Variants in GXYLT2 observed in about 807,000 individuals in gnomAD.
GXYLT2 encodes the protein glucoside xylosyltransferase 2.
Under a neutral mutation model 45.8 loss-of-function variants are expected in GXYLT2, and 53 were observed. That is an observed-to-expected ratio of 1.16 (90% confidence interval 0.93 to 1.46). GXYLT2 has a LOEUF of 1.46. GXYLT2 is among the 40% of genes most tolerant of loss of function. The pLI is 0.00. For missense variants in GXYLT2, 551 were observed against 544.4 expected (o/e 1.01, Z -0.12); for synonymous variants, 219 against 214.2 (o/e 1.02, Z -0.19).
intron 3 of GXYLT2, among the ~76,000 whole-genome samples, chr3:72,928,028 C>G (rs1159209394): frequency 6.6e-6 from 1 of 152,216 alleles, no homozygotes; most frequent in African/African-American, 2.4e-5. Context: ...CATCAGGACT[C>G]TGTCTCTCTC....
chr3:72,945,916 A>G (rs1026921102), intron 3 of GXYLT2, among the ~76,000 whole-genome samples: 3 of 152,240 alleles, frequency 2.0e-5, no homozygotes, highest in African/African-American at 2.4e-5. Context: ...CAAAAACAAG[A>G]GTTCACAAAC....
At chr3:72,973,758 T>C (rs747798272) in intron 6 of GXYLT2, among the ~76,000 whole-genome samples, 1 of 152,088 alleles carries the variant, frequency 6.6e-6, no homozygotes, top group Admixed American at 6.6e-5. Flanking sequence ...TCCAAGGTTT[T>C]GACCTATCCT....
At chr3:72,903,384 A>G (rs1374574534) in intron 1 of GXYLT2, among the ~76,000 whole-genome samples, 1 of 152,216 alleles carries the variant, frequency 6.6e-6, no homozygotes, top group Non-Finnish European at 1.5e-5. Context: ...CTTTCTTGAA[A>G]GGATCATAGA....
intron 3 of GXYLT2, chr3:72,929,040 C>CCGT: frequency 6.5e-7 from 1 of 1,549,012 alleles, no homozygotes. Flanking sequence ...TTAGCCGCCG[C>CCGT]CGTGACGACC....
chr3:72,976,082 C>G lies in GXYLT2; in HGVS notation c.*923C>G, dbSNP rs760572439. ...CAGTAGCTGGGATTACAAGTGTGTG[C>G]CACCACACCCGGCTAATTTTTGTAT... On this transcript the variant is annotated 3_prime_UTR_variant, in exon 7 of 7. Coordinates refer to ENST00000389617, the MANE Select transcript of GXYLT2 (RefSeq NM_001080393.2). 6.6e-6 allele frequency: 1 copy of G among 151,842 alleles called. No homozygotes were observed. The highest frequency in any genetic ancestry group is 1.5e-5 in the Non-Finnish European group (1 of 68,000). The allele number at this position is 151,842 out of a possible 1,614,324, so 9.4% of individuals were successfully genotyped here.
At chr3:72,909,172 G>T (rs759750620) in intron 2 of GXYLT2, among the ~76,000 whole-genome samples, 1 of 145,012 alleles carries the variant, frequency 6.9e-6, no homozygotes, top group East Asian at 2.0e-4. Flanking sequence ...GGGTTCAAGC[G>T]ATTCTTCTGC....
chr3:72,948,505 G>A (rs990661516), intron 3 of GXYLT2, among the ~76,000 whole-genome samples: 2 of 152,178 alleles, frequency 1.3e-5, no homozygotes, highest in Non-Finnish European at 2.9e-5. Context: ...CAAGACACTT[G>A]TACAGAACTG....
At chr3:72,902,989 G>C (rs1265764661) in intron 1 of GXYLT2, among the ~76,000 whole-genome samples, 1 of 152,158 alleles carries the variant, frequency 6.6e-6, no homozygotes, top group African/African-American at 2.4e-5. Context: ...TCCAGCCTTT[G>C]CCACAGGGTG....
At chr3:72,971,810 G>T (rs578051942) in intron 6 of GXYLT2, among the ~76,000 whole-genome samples, 2 of 150,822 alleles carry the variant, frequency 1.3e-5, no homozygotes, top group African/African-American at 4.8e-5. Flanking sequence ...TTAGCCGGGC[G>T]TGGTGGCGCA....
chr3:72,892,499 C>G (rs1387149846), intron 1 of GXYLT2, among the ~76,000 whole-genome samples: 2 of 152,146 alleles, frequency 1.3e-5, no homozygotes, highest in Admixed American at 1.3e-4. Flanking sequence ...GCCAGGCACT[C>G]CTGGTACAAT....
chr3:72,966,087 T>G (rs1325206956), intron 5 of GXYLT2, among the ~76,000 whole-genome samples: 1 of 152,076 alleles, frequency 6.6e-6, no homozygotes, highest in Non-Finnish European at 1.5e-5. Context: ...TTCTAGATTC[T>G]CGTGCCTCAG....
At chr3:72,968,194 G>A (rs1181725903) in intron 6 of GXYLT2, among the ~76,000 whole-genome samples, 7 of 152,140 alleles carry the variant, frequency 4.6e-5, no homozygotes, top group African/African-American at 7.2e-5. Context: ...GGCTGGTCTC[G>A]AACTCCTGAC....
At chr3:72,924,360 AT>A (rs949459602) in intron 3 of GXYLT2, among the ~76,000 whole-genome samples, 1 of 151,746 alleles carries the variant, frequency 6.6e-6, no homozygotes, top group Non-Finnish European at 1.5e-5. Context: ...TGCTTAGCTA[AT>A]TTTTTTATTT....
chr3:72,915,354 T>TTGG (rs71126805), intron 2 of GXYLT2, among the ~76,000 whole-genome samples: 18 of 33,468 alleles, frequency 5.4e-4, no homozygotes, highest in East Asian at 1.1e-3. Context: ...TTTTTTTTTT[T>TTGG]GCGGGGGGGG....
intron 3 of GXYLT2, among the ~76,000 whole-genome samples, chr3:72,925,993 T>C (rs754523398): frequency 1.3e-5 from 2 of 152,220 alleles, no homozygotes; most frequent in Non-Finnish European, 2.9e-5. Flanking sequence ...GTGAGATGTA[T>C]TGATCTTGAG....
At chr3:72,898,273 G>T (rs568227550) in intron 1 of GXYLT2, among the ~76,000 whole-genome samples, 2 of 152,276 alleles carry the variant, frequency 1.3e-5, no homozygotes, top group Non-Finnish European at 2.9e-5. Flanking sequence ...AAGCTTTAAA[G>T]TCTTTCATGT....
At position 72,967,332 on chromosome 3, in the gene GXYLT2, G is replaced by A. The variant is rs6773808; in HGVS notation, c.977-215G>A. 0.64 allele frequency among the ~76,000 whole-genome samples: 97,564 copies of A among 151,892 alleles called. 32,030 individuals are homozygous for A. Among genetic ancestry groups the A allele is most frequent in the Admixed American group, 0.75 (11,407 of 15,252 alleles). Reference sequence around the variant, plus strand: ...AGATGCAACACTCTCTTCTTTTTTTGGATGAAACCTACATCATCACTGTGT... The same window carrying A: ...AGATGCAACACTCTCTTCTTTTTTTAGATGAAACCTACATCATCACTGTGT... On this transcript the variant is annotated intron_variant, in intron 5 of 6. Transcript: ENST00000389617.
chr3:72,955,070 C>G, intron 3 of GXYLT2, 28 bp from the exon 4 acceptor site: 1 of 1,609,322 alleles, frequency 6.2e-7, no homozygotes, highest in Non-Finnish European at 8.5e-7. Context: ...CCTCCTCTCC[C>G]CTTTACACCC....
At chr3:72,958,272 C>CA (rs59128233) in intron 5 of GXYLT2, among the ~76,000 whole-genome samples, 2,591 of 127,338 alleles carry the variant, frequency 0.02, 39 homozygotes, top group African/African-American at 0.046. Context: ...GACTCTGTCT[C>CA]AAAAAAAAAA....
Sources: gnomAD v4.1 joint callset for allele counts (sites outside exome capture counted in the v4.1 genomes callset) on GRCh38, gnomAD v4.1.1 for gene constraint, MANE v1.5 for transcripts, NCBI Gene and HGNC (gene_info 2026-07-23, HGNC 2026-07-21) for gene names.